DACH2: variants seen among roughly 807,000 people sequenced by gnomAD.
DACH2 encodes the protein dachshund family transcription factor 2, also known as dachshund homolog 2.
In DACH2, 17 loss-of-function variants were observed where a neutral mutation model predicts 35.8. The ratio of observed to expected loss-of-function variants is 0.48; its 90% CI spans 0.33 to 0.71. DACH2 has a LOEUF of 0.71. DACH2 is among the 30% of genes least tolerant of loss of function. The pLI is 0.02. For synonymous variants in DACH2, 195 were observed against 177.3 expected (o/e 1.10, Z -0.79); for missense variants, 469 against 472.7 (o/e 0.99, Z 0.07).
At chrX:86,441,212 C>A (rs2037155653) in intron 2 of DACH2, among the ~76,000 whole-genome samples, 1 of 111,013 alleles carries the variant, frequency 9.0e-6, no homozygotes, top group Non-Finnish European at 1.9e-5. Flanking sequence ...AGATCTTATT[C>A]ATTCTATCTA....
intron 1 of DACH2, among the ~76,000 whole-genome samples, chrX:86,230,460 G>A (rs1168790498): frequency 9.0e-6 from 1 of 111,150 alleles, no homozygotes; most frequent in African/African-American, 3.3e-5. Context: ...CTTTAGTTGT[G>A]TCCTTTCCTG....
At chrX:86,823,569 G>T (rs188435486) in intron 11 of DACH2, among the ~76,000 whole-genome samples, 1 of 112,149 alleles carries the variant, frequency 8.9e-6, no homozygotes, top group East Asian at 2.8e-4. Context: ...TAGCTTTCAA[G>T]AAAGCATCAT....
At chrX:86,386,581 C>T (rs2036126321) in intron 2 of DACH2, among the ~76,000 whole-genome samples, 1 of 111,354 alleles carries the variant, frequency 9.0e-6, no homozygotes, top group Admixed American at 9.6e-5. Flanking sequence ...TTTATATCAG[C>T]ATAGACTTCT....
chrX:86,437,395 G>A (rs2037085118), intron 2 of DACH2, among the ~76,000 whole-genome samples: 1 of 111,336 alleles, frequency 9.0e-6, no homozygotes, highest in African/African-American at 3.3e-5. Context: ...CTATCTAACT[G>A]TGTGTTTGTT....
chrX:86,785,798 G>T (rs1431361495), intron 7 of DACH2, among the ~76,000 whole-genome samples: 1 of 111,528 alleles, frequency 9.0e-6, no homozygotes, highest in African/African-American at 3.3e-5. Context: ...TAAAGGCATT[G>T]CTTCCTATAT....
At chrX:86,308,138 G>T (rs779133807) in intron 1 of DACH2, among the ~76,000 whole-genome samples, 13 of 112,081 alleles carry the variant, frequency 1.2e-4, no homozygotes, top group Non-Finnish European at 2.4e-4. Flanking sequence ...ATCGCACCTG[G>T]GAGGGTCCAG....
At chrX:86,166,067 C>A (rs1366363830) in intron 1 of DACH2, among the ~76,000 whole-genome samples, 1 of 111,285 alleles carries the variant, frequency 9.0e-6, no homozygotes, top group Non-Finnish European at 1.9e-5. Flanking sequence ...CCACCTTTCC[C>A]AGCACTCTTT....
chrX:86,281,281 G>T (rs946005240), intron 1 of DACH2, among the ~76,000 whole-genome samples: 2 of 111,061 alleles, frequency 1.8e-5, no homozygotes, highest in Non-Finnish European at 3.8e-5. Context: ...ATCCAGCAGC[G>T]CATTAAAAAG....
At chrX:86,223,732 C>T (rs1467347542) in intron 1 of DACH2, among the ~76,000 whole-genome samples, 1 of 111,779 alleles carries the variant, frequency 8.9e-6, no homozygotes, top group Non-Finnish European at 1.9e-5. Context: ...AGGTCCAAAC[C>T]GAAAAGGACA....
intron 3 of DACH2, among the ~76,000 whole-genome samples, chrX:86,637,583 A>G (rs778689705): frequency 8.9e-6 from 1 of 111,856 alleles, no homozygotes; most frequent in South Asian, 3.7e-4. Flanking sequence ...ATGAACGTGG[A>G]TGGATTTGCA....
intron 4 of DACH2, among the ~76,000 whole-genome samples, chrX:86,674,816 A>T (rs5923587): frequency 1.8e-5 from 2 of 108,879 alleles, no homozygotes; most frequent in Non-Finnish European, 3.8e-5. Flanking sequence ...CTCATCATCC[A>T]CTCCTCTTCT....
chrX:86,382,787 G>T (rs781513613), intron 2 of DACH2, among the ~76,000 whole-genome samples: 6 of 110,778 alleles, frequency 5.4e-5, no homozygotes, highest in Non-Finnish European at 1.1e-4. Context: ...AGAAAATTGT[G>T]GTTCACACAC....
chrX:86,363,512 T>C (rs1331087908), intron 1 of DACH2, among the ~76,000 whole-genome samples: 1 of 111,737 alleles, frequency 8.9e-6, no homozygotes, highest in African/African-American at 3.2e-5. Context: ...ATTATAACAA[T>C]TTAACAGTTG....
chrX:86,824,216 C>T (rs2042541300), intron 11 of DACH2, among the ~76,000 whole-genome samples: 2 of 110,710 alleles, frequency 1.8e-5, no homozygotes, highest in Admixed American at 9.6e-5. Flanking sequence ...AGACCTCCCC[C>T]CAGGAATGCA....
At chrX:86,212,856 T>C (rs1259043193) in intron 1 of DACH2, among the ~76,000 whole-genome samples, 2 of 111,174 alleles carry the variant, frequency 1.8e-5, no homozygotes, top group African/African-American at 3.3e-5. Flanking sequence ...ATGGTTAAAA[T>C]TGCAGTCTAT....
chrX:86,815,975 T>C (rs1412846355), intron 10 of DACH2, 59 bp from the exon 11 acceptor site: 41 of 986,187 alleles, frequency 4.2e-5, no homozygotes, highest in Non-Finnish European at 5.4e-5. Context: ...GAGTTTTCCC[T>C]TTAAATGGAA....
At chrX:86,674,719 C>T (rs999485958) in intron 4 of DACH2, among the ~76,000 whole-genome samples, 3 of 111,338 alleles carry the variant, frequency 2.7e-5, no homozygotes, top group African/African-American at 9.8e-5. Flanking sequence ...TTGTCATATC[C>T]AAAAACTGAT....
chrX:86,355,693 C>T (rs1302246960), intron 1 of DACH2, among the ~76,000 whole-genome samples: 1 of 111,067 alleles, frequency 9.0e-6, no homozygotes, highest in Non-Finnish European at 1.9e-5. Context: ...CACACCCAGC[C>T]TATTTTTTGA....
At chrX:86,199,882 A>G (rs765720229) in intron 1 of DACH2, among the ~76,000 whole-genome samples, 31 of 112,276 alleles carry the variant, frequency 2.8e-4, no homozygotes, top group Non-Finnish European at 5.1e-4. Flanking sequence ...AAAGCAATGT[A>G]TAGATTCAGT....
Sources: allele counts gnomAD v4.1 joint callset (sites outside exome capture counted in the v4.1 genomes callset), GRCh38; gene constraint gnomAD v4.1.1; transcripts MANE v1.5; gene names NCBI Gene and HGNC (gene_info 2026-07-23, HGNC 2026-07-21).